The following TRIO variants were observed in gnomAD, a reference collection of about 807,000 sequenced individuals.
TRIO encodes trio Rho guanine nucleotide exchange factor.
Under a neutral mutation model 351.9 loss-of-function variants are expected in TRIO, and 58 were observed. The observed-to-expected ratio is 0.16, with a 90% CI of 0.13 to 0.21. TRIO has a LOEUF of 0.21. Ranked by LOEUF, TRIO falls within the 10% of genes least tolerant of loss-of-function variation. TRIO has a pLI of 1.00. For missense variants in TRIO, 3,201 were observed against 4,027.8 expected (o/e 0.79, Z 5.56); for synonymous variants, 1,758 against 1,595.7 (o/e 1.10, Z -2.42).
intron 1 of TRIO, among the ~76,000 whole-genome samples, chr5:14,159,956 G>T (rs1314810714): frequency 6.6e-6 from 1 of 152,068 alleles, no homozygotes; most frequent in African/African-American, 2.4e-5. Context: ...AAACAGAAAC[G>T]GCATTAATTT....
intron 28 of TRIO, 83 bp from the exon 29 acceptor site, chr5:14,396,960 G>A (rs889552064): frequency 8.5e-7 from 1 of 1,183,286 alleles, no homozygotes; most frequent in African/African-American, 1.5e-5. Flanking sequence ...AAAGCCATGG[G>A]CTTTCATAAA....
At chr5:14,247,926 C>T (rs1169218531) in intron 1 of TRIO, among the ~76,000 whole-genome samples, 2 of 152,078 alleles carry the variant, frequency 1.3e-5, no homozygotes, top group Admixed American at 6.5e-5. Context: ...ATTAGCTGGG[C>T]ACAGTGGCTT....
chr5:14,428,851 GT>G (rs1312265044), intron 34 of TRIO, among the ~76,000 whole-genome samples: 2 of 152,196 alleles, frequency 1.3e-5, no homozygotes, highest in Non-Finnish European at 2.9e-5. Context: ...CGAGGAGCTC[GT>G]GGGAAAAATG....
At chr5:14,478,756 G>A (rs890467369) in intron 41 of TRIO, among the ~76,000 whole-genome samples, 51 of 147,718 alleles carry the variant, frequency 3.5e-4, no homozygotes, top group African/African-American at 1.2e-3. Context: ...TTGAGACCAG[G>A]CTGGGTGAAA....
intron 47 of TRIO, among the ~76,000 whole-genome samples, chr5:14,486,245 G>T (rs1031840549): frequency 1.3e-5 from 2 of 152,196 alleles, no homozygotes; most frequent in African/African-American, 4.8e-5. Context: ...CGTATTCACG[G>T]TCTGCATCTA....
chr5:14,164,445 T>C (rs1487522192), intron 1 of TRIO, among the ~76,000 whole-genome samples: 1 of 152,224 alleles, frequency 6.6e-6, no homozygotes, highest in Non-Finnish European at 1.5e-5. Flanking sequence ...ATTGCATGGC[T>C]TCAGGAGAGG....
chr5:14,298,185 A>C (rs562868030), intron 7 of TRIO, among the ~76,000 whole-genome samples: 2 of 152,324 alleles, frequency 1.3e-5, no homozygotes, highest in Admixed American at 1.3e-4. Context: ...TGTTGTGTCA[A>C]AATTTCTAGT....
intron 19 of TRIO, 23 bp downstream of exon 19, chr5:14,374,366 A>C: frequency 6.2e-7 from 1 of 1,600,006 alleles, no homozygotes; most frequent in South Asian, 1.1e-5. Context: ...GGGAGTCTCC[A>C]GGGGTGGCCC....
At chr5:14,195,605 T>G (rs147744708) in intron 1 of TRIO, among the ~76,000 whole-genome samples, 2 of 152,352 alleles carry the variant, frequency 1.3e-5, no homozygotes, top group African/African-American at 4.8e-5. Context: ...CCTGAACCAG[T>G]TGCTAGTGTG....
intron 43 of TRIO, 148 bp from the exon 44 acceptor site, chr5:14,481,083 CAGG>C (rs1467494853): frequency 7.9e-6 from 6 of 759,288 alleles, no homozygotes; most frequent in African/African-American, 3.5e-5. Context: ...CCCAGCTACT[CAGG>C]AGGCCAAAGC....
chr5:14,330,808 G>A lies in TRIO; in HGVS notation c.1762G>A (p.Ala588Thr). ...AGACTGGATCGAGAACCACGGAGAA[G>A]CATTTCTGAGCAAACATACAGGTGT... ...VLDWIENHGEAFLSKHTGVGK... is the reference protein window; with the variant it reads ...VLDWIENHGETFLSKHTGVGK... The change falls in exon 10 of 57, where the codon GCA (alanine) becomes ACA (threonine). Residue 588 changes from alanine (A) to threonine (T), a missense_variant. Ala to Thr is a moderately conservative substitution (Grantham distance 58). Coordinates refer to ENST00000344204, the MANE Select transcript of TRIO (RefSeq NM_007118.4). The A allele has an allele frequency of 6.2e-7, 1 of 1,614,144 alleles. No individual in the cohort carries two copies. Among genetic ancestry groups the A allele is most frequent in the African/African-American group, 1.3e-5 (1 of 75,046 alleles).
At chr5:14,359,912 T>A (rs1331971494) in intron 13 of TRIO, among the ~76,000 whole-genome samples, 2 of 152,192 alleles carry the variant, frequency 1.3e-5, no homozygotes. Context: ...GGCACAGGCA[T>A]CAGCTTCAGG....
intron 1 of TRIO, among the ~76,000 whole-genome samples, chr5:14,221,881 T>C (rs1792651307): frequency 6.6e-6 from 1 of 152,236 alleles, no homozygotes; most frequent in Non-Finnish European, 1.5e-5. Context: ...GAAGCTTGAC[T>C]CTAATTTCGA....
intron 34 of TRIO, among the ~76,000 whole-genome samples, chr5:14,448,358 G>T (rs959172131): frequency 4.6e-5 from 7 of 152,232 alleles, no homozygotes; most frequent in African/African-American, 7.2e-5. Flanking sequence ...GGGGCTGGGG[G>T]AATATGGGGT....
At chr5:14,372,133 G>C (rs1484769292) in intron 18 of TRIO, among the ~76,000 whole-genome samples, 1 of 151,518 alleles carries the variant, frequency 6.6e-6, no homozygotes, top group Non-Finnish European at 1.5e-5. Context: ...ATTACATCCT[G>C]TGGGGTCATT....
In TRIO at chr5:14,323,303, C is replaced by T. The variant is rs377540801; in HGVS notation, c.1731+6560C>T. Among the ~76,000 whole-genome samples the T allele has an allele frequency of 4.6e-5, 7 of 152,208 alleles. No homozygotes were observed. In the East Asian group the frequency reaches 7.7e-4, roughly 17 times the overall value. ...TAATAAAAGCAAGCCTTGGAAAAGT[C>T]GAATGGCTTGGCAGAAGCACCGAGA... On this transcript the variant is annotated intron_variant, in intron 9 of 56. Transcript: ENST00000344204.
chr5:14,349,006 TG>T (rs1468490291), intron 11 of TRIO, among the ~76,000 whole-genome samples: 2 of 151,354 alleles, frequency 1.3e-5, no homozygotes, highest in African/African-American at 4.9e-5. Flanking sequence ...CACATGAGCA[TG>T]TTTTTCTTGT....
intron 1 of TRIO, among the ~76,000 whole-genome samples, chr5:14,211,587 G>GTT (rs1188177975): frequency 1.2e-3 from 81 of 66,622 alleles, no homozygotes; most frequent in Non-Finnish European, 2.1e-3. Flanking sequence ...AGCACACTCA[G>GTT]TTGTTTTTTT....
intron 34 of TRIO, among the ~76,000 whole-genome samples, chr5:14,454,083 C>T (rs1561508802): frequency 6.6e-6 from 1 of 152,096 alleles, no homozygotes; most frequent in Non-Finnish European, 1.5e-5. Context: ...GCATGCGACA[C>T]GATGCCAACT....
Sources: gnomAD v4.1 joint callset for allele counts (sites outside exome capture counted in the v4.1 genomes callset) on GRCh38, gnomAD v4.1.1 for gene constraint, MANE v1.5 for transcripts, NCBI Gene and HGNC (gene_info 2026-07-23, HGNC 2026-07-21) for gene names.